QSER1: variants seen among roughly 807,000 people sequenced by gnomAD.
QSER1 encodes the protein glutamine and serine rich 1.
A neutral mutation model predicts 158.5 loss-of-function variants in QSER1; 49 were observed. The ratio of observed to expected loss-of-function variants is 0.31; its 90% CI spans 0.25 to 0.39. The LOEUF (loss-of-function observed/expected upper bound fraction) is 0.39. Ranked by LOEUF, QSER1 falls within the 10% of genes least tolerant of loss-of-function variation. The probability of loss-of-function intolerance (pLI) is 1.00; values close to 1 mark genes in which losing one functional copy is unlikely to be tolerated. For missense variants in QSER1, 1,754 were observed against 2,010.3 expected, an observed-to-expected ratio of 0.87 and a Z score of 2.44; for synonymous variants, 650 against 715.5, an observed-to-expected ratio of 0.91 and a Z score of 1.46.
At chr11:32,966,940 T>G (rs1852759894) in intron 9 of QSER1, among the ~76,000 whole-genome samples, 1 of 152,156 alleles carries the variant, frequency 6.6e-6, no homozygotes, top group Non-Finnish European at 1.5e-5. Flanking sequence ...ATTTGAGAAA[T>G]CTCCATACTG....
chr11:32,923,272 G>A (rs572140656), intron 1 of QSER1, among the ~76,000 whole-genome samples: 7 of 152,312 alleles, frequency 4.6e-5, no homozygotes, highest in East Asian at 1.9e-4. Flanking sequence ...ACAGATCTGG[G>A]GACTTGGTGG....
intron 8 of QSER1, among the ~76,000 whole-genome samples, chr11:32,962,840 G>A (rs1852650464): frequency 1.3e-5 from 2 of 152,138 alleles, no homozygotes; most frequent in Admixed American, 6.5e-5. Flanking sequence ...TTCCTTGAAT[G>A]AGCAGATTCT....
At chr11:32,957,716 A>G (rs1397013573) in intron 7 of QSER1, 153 bp from the exon 8 acceptor site, 1 of 633,590 alleles carries the variant, frequency 1.6e-6, no homozygotes, top group African/African-American at 1.8e-5. Context: ...GGGAATCACC[A>G]TTGAGATGTA....
At chr11:32,913,287 T>C (rs1851792274) in intron 1 of QSER1, among the ~76,000 whole-genome samples, 1 of 147,808 alleles carries the variant, frequency 6.8e-6, no homozygotes, top group South Asian at 2.3e-4. Context: ...GCCTCCTGGG[T>C]TCATGCCATT....
At chr11:32,909,114 C>T (rs1215532722) in intron 1 of QSER1, among the ~76,000 whole-genome samples, 3 of 152,102 alleles carry the variant, frequency 2.0e-5, no homozygotes, top group Non-Finnish European at 4.4e-5. Context: ...GAGCTGAGAT[C>T]GCGCCACTGC....
chr11:32,937,318 T>G (rs1437038446), intron 4 of QSER1, among the ~76,000 whole-genome samples: 7 of 152,180 alleles, frequency 4.6e-5, no homozygotes, highest in African/African-American at 1.7e-4. Flanking sequence ...AGAGTCTTGC[T>G]CTGTCACCCA....
intron 10 of QSER1, 77 bp downstream of exon 10, chr11:32,969,220 A>C (rs1564948504): frequency 1.1e-6 from 1 of 890,020 alleles, no homozygotes; most frequent in Non-Finnish European, 1.8e-6. Flanking sequence ...GAAATTTATG[A>C]AAATTATTCA....
intron 3 of QSER1, among the ~76,000 whole-genome samples, chr11:32,929,240 T>C (rs1852014017): frequency 6.6e-6 from 1 of 152,084 alleles, no homozygotes; most frequent in Non-Finnish European, 1.5e-5. Flanking sequence ...GCCTCCTGAG[T>C]AGCTGGGATT....
intron 4 of QSER1, among the ~76,000 whole-genome samples, chr11:32,952,466 GGTCATATT>G (rs76612822): frequency 0.052 from 7,882 of 152,104 alleles, 347 homozygotes; most frequent in Non-Finnish European, 0.078. Context: ...AATCCCACGT[GGTCATATT>G]GTATGATTCT....
At chr11:32,923,805 T>C (rs1362932683) in intron 1 of QSER1, among the ~76,000 whole-genome samples, 1 of 150,314 alleles carries the variant, frequency 6.7e-6, no homozygotes, top group Non-Finnish European at 1.5e-5. Flanking sequence ...CCATCTCTAC[T>C]AAAATATAAA....
chr11:32,904,261 C>G (rs1482282821), intron 1 of QSER1, among the ~76,000 whole-genome samples: 1 of 150,588 alleles, frequency 6.6e-6, no homozygotes, highest in Non-Finnish European at 1.5e-5. Context: ...GGTGCAATCT[C>G]AGCTCACTGC....
intron 9 of QSER1, 53 bp downstream of exon 9, chr11:32,966,490 A>C: frequency 2.6e-6 from 4 of 1,549,230 alleles, no homozygotes; most frequent in Non-Finnish European, 3.5e-6. Context: ...AATTAAAAAA[A>C]GAAATCTTGT....
chr11:32,895,638 A>G (rs575549617), intron 1 of QSER1, among the ~76,000 whole-genome samples: 1 of 152,292 alleles, frequency 6.6e-6, no homozygotes, highest in South Asian at 2.1e-4. Context: ...ACTAGTTGTG[A>G]TGATGTAATA....
rs12293579 is a variant in QSER1, at chr11:32,969,134, A to T, written c.5196A>T (p.Gln1732His). 1.2e-5 allele frequency: 19 copies of T among 1,582,018 alleles called. No homozygotes were observed. In the African/African-American group the frequency reaches 2.3e-4, roughly 19 times the overall value. The change falls in exon 10 of 13, where the codon CAA becomes CAT. Residue 1732 changes from glutamine to histidine, a missense_variant. Transcript: ENST00000650167. Reference sequence around the variant, plus strand: ...TTCTTTTGAATCTTCATTTGGATCAATCATTCAAGGTATTTCCTTCTGATG... The same window carrying T: ...TTCTTTTGAATCTTCATTTGGATCATTCATTCAAGGTATTTCCTTCTGATG... ...KRLLLNLHLD[Q>H]SFKNALESFP...
chr11:32,900,508 G>A (rs1022072413), intron 1 of QSER1, among the ~76,000 whole-genome samples: 2 of 150,802 alleles, frequency 1.3e-5, no homozygotes, highest in Non-Finnish European at 3.0e-5. Context: ...GCAGTGAGCT[G>A]AGATCACACC....
chr11:32,937,592 A>AT (rs1226833528), intron 4 of QSER1, among the ~76,000 whole-genome samples: 1 of 152,042 alleles, frequency 6.6e-6, no homozygotes, highest in African/African-American at 2.4e-5. Flanking sequence ...CTGGCCTAGA[A>AT]TTTTTTCTCG....
intron 1 of QSER1, among the ~76,000 whole-genome samples, chr11:32,907,074 C>T (rs888709600): frequency 3.3e-5 from 5 of 151,962 alleles, no homozygotes; most frequent in Non-Finnish European, 5.9e-5. Context: ...AGTATAGTAC[C>T]GTTACAACAG....
chr11:32,936,880 A>C (rs1462417592), intron 4 of QSER1, among the ~76,000 whole-genome samples: 1 of 152,222 alleles, frequency 6.6e-6, no homozygotes, highest in Non-Finnish European at 1.5e-5. Flanking sequence ...TAAATATCTG[A>C]TAATACATTT....
At chr11:32,923,940 C>A (rs1851932685) in intron 1 of QSER1, among the ~76,000 whole-genome samples, 1 of 152,106 alleles carries the variant, frequency 6.6e-6, no homozygotes, top group Non-Finnish European at 1.5e-5. Context: ...TGCACTCCAG[C>A]CTGGCGACAG....
Sources: gnomAD v4.1 joint callset for allele counts (sites outside exome capture counted in the v4.1 genomes callset) on GRCh38, gnomAD v4.1.1 for gene constraint, MANE v1.5 for transcripts, NCBI Gene and HGNC (gene_info 2026-07-23, HGNC 2026-07-21) for gene names.